The following RCAN2 variants were observed in gnomAD, a reference collection of about 807,000 sequenced individuals.
RCAN2 encodes the protein calcipressin-2.
A neutral mutation model predicts 23.6 loss-of-function variants in RCAN2; 9 were observed. That is an observed-to-expected ratio of 0.38 (90% confidence interval 0.23 to 0.67). The LOEUF is 0.67. Ranked by LOEUF, RCAN2 falls within the 30% of genes least tolerant of loss-of-function variation. The pLI is 0.51. For missense variants in RCAN2, 273 were observed against 302.3 expected (o/e 0.90, Z 0.72); for synonymous variants, 109 against 115.7 (o/e 0.94, Z 0.37).
intron 2 of RCAN2, among the ~76,000 whole-genome samples, chr6:46,260,173 G>A (rs1485449991): frequency 6.6e-6 from 1 of 152,146 alleles, no homozygotes; most frequent in Admixed American, 6.6e-5. Context: ...AGGCCACCCA[G>A]GGCCCCTAGT....
At chr6:46,226,348 G>A (rs1484691039) in intron 4 of RCAN2, among the ~76,000 whole-genome samples, 2 of 152,076 alleles carry the variant, frequency 1.3e-5, no homozygotes, top group Non-Finnish European at 2.9e-5. Flanking sequence ...TGATGGGGAT[G>A]GCATCGAATC....
At chr6:46,479,798 T>G (rs1190578267) in intron 1 of RCAN2, among the ~76,000 whole-genome samples, 2 of 151,968 alleles carry the variant, frequency 1.3e-5, no homozygotes, top group Non-Finnish European at 2.9e-5. Context: ...GGGCAGGATG[T>G]TCTTGATCTC....
At chr6:46,347,967 T>C (rs1764537707) in intron 2 of RCAN2, among the ~76,000 whole-genome samples, 1 of 152,200 alleles carries the variant, frequency 6.6e-6, no homozygotes, top group Non-Finnish European at 1.5e-5. Flanking sequence ...AATAAATAAG[T>C]AAGACCTTTT....
chr6:46,418,613 C>T (rs1168906287), intron 2 of RCAN2, among the ~76,000 whole-genome samples: 1 of 150,938 alleles, frequency 6.6e-6, no homozygotes, highest in Admixed American at 6.6e-5. Flanking sequence ...CAGCTCCCAT[C>T]CACTCTGGGG....
intron 2 of RCAN2, among the ~76,000 whole-genome samples, chr6:46,281,129 G>C (rs1232206128): frequency 6.6e-6 from 1 of 152,130 alleles, no homozygotes; most frequent in Non-Finnish European, 1.5e-5. Flanking sequence ...GAGGGAGGGG[G>C]AGAAGAAAAG....
At chr6:46,314,278 C>T (rs1277136389) in intron 2 of RCAN2, among the ~76,000 whole-genome samples, 1 of 146,768 alleles carries the variant, frequency 6.8e-6, no homozygotes, top group East Asian at 2.0e-4. Flanking sequence ...ATGAGAATTG[C>T]TTGAACCCAG....
intron 2 of RCAN2, among the ~76,000 whole-genome samples, chr6:46,266,341 C>T (rs1454893393): frequency 1.3e-5 from 2 of 152,156 alleles, no homozygotes; most frequent in Non-Finnish European, 2.9e-5. Flanking sequence ...CTTACAATCA[C>T]GACATTGTTT....
chr6:46,379,277 A>T (rs1001823422), intron 2 of RCAN2, among the ~76,000 whole-genome samples: 1 of 152,150 alleles, frequency 6.6e-6, no homozygotes, highest in Non-Finnish European at 1.5e-5. Context: ...ACTTCCAGGC[A>T]AGTCACTCTG....
intron 1 of RCAN2, among the ~76,000 whole-genome samples, chr6:46,486,471 C>G (rs1366455398): frequency 6.6e-6 from 1 of 152,144 alleles, no homozygotes; most frequent in African/African-American, 2.4e-5. Flanking sequence ...GTTCTTTATA[C>G]TTCATTCCCA....
At chr6:46,318,961 T>A (rs1024210333) in intron 2 of RCAN2, among the ~76,000 whole-genome samples, 1 of 152,164 alleles carries the variant, frequency 6.6e-6, no homozygotes, top group Non-Finnish European at 1.5e-5. Context: ...ATATATAACT[T>A]TGTACCTGCT....
At chr6:46,293,090 T>C (rs143972364) in intron 2 of RCAN2, among the ~76,000 whole-genome samples, 135 of 152,380 alleles carry the variant, frequency 8.9e-4, no homozygotes, top group African/African-American at 2.9e-3. Flanking sequence ...TTCCATGGTG[T>C]ATGTGTACCA....
rs139133086 is a variant in RCAN2 at position 46,429,861 on chromosome 6, G to A, written c.225+26891C>T. Among the ~76,000 whole-genome samples the A allele has an allele frequency of 4.4e-3, 665 of 152,294 alleles. 4 individuals are homozygous for A. Among genetic ancestry groups the A allele is most frequent in the African/African-American group, 0.015 (617 of 41,560 alleles). On this transcript the variant is annotated intron_variant, in intron 2 of 4. Transcript: ENST00000371374. ...TCTTGCACTGGCACAGGAGGGATGC[G>A]GCTGGCAGTGTATATGGCAGATAAA...
chr6:46,356,454 AT>A (rs201463999), intron 2 of RCAN2, among the ~76,000 whole-genome samples: 4 of 151,428 alleles, frequency 2.6e-5, no homozygotes, highest in African/African-American at 4.9e-5. Context: ...GGAGGGTGGC[AT>A]TTTTTTTTCC....
At chr6:46,283,798 A>G (rs1339409790) in intron 2 of RCAN2, among the ~76,000 whole-genome samples, 1 of 152,250 alleles carries the variant, frequency 6.6e-6, no homozygotes, top group Non-Finnish European at 1.5e-5. Flanking sequence ...GCAATTAAAT[A>G]TAAGTATGAA....
chr6:46,390,583 G>A (rs1483270481), intron 2 of RCAN2, among the ~76,000 whole-genome samples: 1 of 152,060 alleles, frequency 6.6e-6, no homozygotes, highest in Non-Finnish European at 1.5e-5. Context: ...ATTAAAAATC[G>A]ATCAGTAAAT....
intron 2 of RCAN2, among the ~76,000 whole-genome samples, chr6:46,277,675 C>G (rs949019978): frequency 9.9e-5 from 15 of 151,762 alleles, no homozygotes; most frequent in African/African-American, 3.6e-4. Flanking sequence ...CCCCCTTTCA[C>G]CACCTAAATA....
chr6:46,487,870 A>C (rs1038081701), intron 1 of RCAN2, among the ~76,000 whole-genome samples: 11 of 152,226 alleles, frequency 7.2e-5, no homozygotes, highest in African/African-American at 2.7e-4. Context: ...TACGACCTTA[A>C]CCCAAACCAA....
intron 2 of RCAN2, among the ~76,000 whole-genome samples, chr6:46,299,680 C>T (rs1361089514): frequency 6.6e-6 from 1 of 151,992 alleles, no homozygotes; most frequent in East Asian, 1.9e-4. Context: ...CCTGGATCAA[C>T]TTATTTGACT....
intron 2 of RCAN2, among the ~76,000 whole-genome samples, chr6:46,270,407 T>C (rs1393853502): frequency 6.6e-6 from 1 of 152,200 alleles, no homozygotes; most frequent in East Asian, 1.9e-4. Flanking sequence ...TGCTGATTCC[T>C]GTGGAGGGTT....
Sources: allele counts gnomAD v4.1 joint callset (sites outside exome capture counted in the v4.1 genomes callset), GRCh38; gene constraint gnomAD v4.1.1; transcripts MANE v1.5; gene names NCBI Gene and HGNC (gene_info 2026-07-23, HGNC 2026-07-21).